WSCD1: variants seen among roughly 807,000 people sequenced by gnomAD.
WSCD1 encodes sialate:O-sulfotransferase 1.
A neutral mutation model predicts 60.4 loss-of-function variants in WSCD1; 41 were observed. The ratio of observed to expected loss-of-function variants is 0.68; its 90% CI spans 0.53 to 0.88. The LOEUF is 0.88. Ranked by LOEUF, WSCD1 falls within the 40% of genes least tolerant of loss-of-function variation. The pLI is 0.00. For missense variants in WSCD1, 784 were observed against 796.2 expected (o/e 0.98, Z 0.18); for synonymous variants, 361 against 332.5 (o/e 1.09, Z -0.93).
At chr17:6,086,249 T>TTATATA (rs1481687453) in intron 2 of WSCD1, among the ~76,000 whole-genome samples, 2 of 71,226 alleles carry the variant, frequency 2.8e-5, no homozygotes, top group African/African-American at 1.1e-4. Context: ...CGTCCTGACT[T>TTATATA]CATATATATA....
Position 6,122,473 on chromosome 17 carries a change from C to T in WSCD1, c.*1812C>T, listed in dbSNP as rs1175822019. On this transcript the variant is annotated 3_prime_UTR_variant, in exon 9 of 9. Transcript: ENST00000317744. ...TATTGGCTCAGGATAGCTTCGGCAT[C>T]CAATCTGCGAAGGCCCCTGATGGAG... 1 of 152,270 alleles carries T rather than the reference C, an allele frequency of 6.6e-6. No individual in the cohort carries two copies. The highest frequency in any genetic ancestry group is 1.5e-5 in the Non-Finnish European group (1 of 68,090). 9.4% of individuals were successfully genotyped at this position (152,270 alleles called of 1,614,324 possible). A position where few individuals can be genotyped will look rare whatever the true frequency, so the allele number is the denominator to read the frequency against.
At chr17:6,094,912 T>C (rs1217803038) in intron 4 of WSCD1, among the ~76,000 whole-genome samples, 190 bp from the exon 5 acceptor site, 1 of 151,762 alleles carries the variant, frequency 6.6e-6, no homozygotes, top group Non-Finnish European at 1.5e-5. Context: ...GTCAAGGTGC[T>C]GATGCCTGGT....
chr17:6,117,662 G>A (rs1421918464), intron 7 of WSCD1, among the ~76,000 whole-genome samples: 1 of 152,244 alleles, frequency 6.6e-6, no homozygotes, highest in Non-Finnish European at 1.5e-5. Context: ...CTATGAAGAT[G>A]CCCAAAACAT....
chr17:6,119,762 T>G (rs1273792333), intron 8 of WSCD1, among the ~76,000 whole-genome samples: 7 of 152,144 alleles, frequency 4.6e-5, no homozygotes. Context: ...TTGTGAAGAT[T>G]AGAGAAAGCA....
At chr17:6,090,920 C>T (rs1007248379) in intron 4 of WSCD1, among the ~76,000 whole-genome samples, 1 of 151,978 alleles carries the variant, frequency 6.6e-6, no homozygotes, top group Non-Finnish European at 1.5e-5. Flanking sequence ...GAGTCTCACT[C>T]TGTCACCCAG....
upstream of WSCD1, chr17:6,070,355 C>T (rs1293609185): frequency 2.7e-5 from 4 of 147,520 alleles, no homozygotes; most frequent in Non-Finnish European, 6.1e-5. Flanking sequence ...GGCCGCTGTC[C>T]CCGGGCCGCG....
At position 6,110,819 on chromosome 17, in the gene WSCD1, T is replaced by C. The variant is rs566304197; in HGVS notation, c.1058T>C (p.Phe353Ser). The change falls in exon 7 of 9, where the codon TTT becomes TCT. Residue 353 changes from phenylalanine to serine, a missense_variant. Phe to Ser is a radical substitution (Grantham distance 155). Coordinates refer to ENST00000317744, the MANE Select transcript of WSCD1 (RefSeq NM_015253.2). The surrounding 1 kb of genome is among the most constrained non-coding windows in gnomAD (Gnocchi z 4.8). ...TTCCTGCCTAACAAATCCAAAGTGT[T>C]TGTGGCTTTGTCAAGCTTCCCAGGA... ...RRFLPNKSKV[F>S]VALSSFPGAG... 2 of 1,614,052 alleles carry C rather than the reference T, an allele frequency of 1.2e-6. No individual in the cohort carries two copies. Among genetic ancestry groups the C allele is most frequent in the African/African-American group, 2.7e-5 (2 of 75,028 alleles).
upstream of WSCD1, among the ~76,000 whole-genome samples, chr17:6,069,794 TGTGTGTGC>T (rs1256402562): frequency 0.047 from 2,991 of 63,180 alleles, 89 homozygotes; most frequent in African/African-American, 0.18. Flanking sequence ...TGTGTGTGTG[TGTGTGTGC>T]GTGCGTGTGT....
chr17:6,095,221 A>C lies in WSCD1; in HGVS notation c.847A>C (p.Lys283Gln). ...VGTCSGFCSQ[K>Q]EFPLAILRGW... ...GACTTGCTCGGGCTTTTGTTCCCAG[A>C]AAGTAAGACCAAGTGATCATTTCAC... is the stretch of plus-strand genomic sequence containing the variant. The change falls in exon 5 of 9, where the codon AAA (lysine) becomes CAA (glutamine). Residue 283 changes from lysine (K) to glutamine (Q), a missense_variant and splice_region_variant. By Grantham distance (53) the Lys-to-Gln change is moderately conservative (BLOSUM62 1). Coordinates refer to ENST00000317744, the MANE Select transcript of WSCD1 (RefSeq NM_015253.2). The C allele has an allele frequency of 6.2e-7, 1 of 1,612,806 alleles. No individual in the cohort carries two copies.
chr17:6,120,204 C>T (rs551983515), intron 8 of WSCD1, 105 bp from the exon 9 acceptor site: 95 of 1,220,784 alleles, frequency 7.8e-5, no homozygotes, highest in Non-Finnish European at 1.1e-4. Context: ...AGGCAGTGGA[C>T]AGTGGAAAAC....
chr17:6,087,729 G>A (rs1333594932), intron 2 of WSCD1, among the ~76,000 whole-genome samples: 1 of 152,188 alleles, frequency 6.6e-6, no homozygotes, highest in East Asian at 1.9e-4. Flanking sequence ...TGGTCAGGCC[G>A]ACGCCTGGCT....
intron 1 of WSCD1, among the ~76,000 whole-genome samples, chr17:6,079,816 G>C (rs1176475036): frequency 6.6e-6 from 1 of 152,178 alleles, no homozygotes; most frequent in African/African-American, 2.4e-5. Flanking sequence ...CTCATTGCAG[G>C]CTGGGCCATG....
chr17:6,115,919 A>G (rs1023264154), intron 7 of WSCD1, among the ~76,000 whole-genome samples: 2 of 152,162 alleles, frequency 1.3e-5, no homozygotes, highest in African/African-American at 4.8e-5. Context: ...TTTCTTAACC[A>G]GAGTTTGGTG....
chr17:6,079,241 T>C (rs1211008802), intron 1 of WSCD1, among the ~76,000 whole-genome samples: 1 of 151,972 alleles, frequency 6.6e-6, no homozygotes, highest in East Asian at 1.9e-4. Context: ...AGAGTAGCCA[T>C]TGAGTGGCTG....
intron 2 of WSCD1, among the ~76,000 whole-genome samples, chr17:6,082,421 G>A (rs973714806): frequency 2.0e-5 from 3 of 152,220 alleles, no homozygotes; most frequent in Non-Finnish European, 4.4e-5. Flanking sequence ...CAAAGGACCC[G>A]CTGGAAGTGG....
chr17:6,108,161 G>A (rs1024841211), intron 5 of WSCD1, among the ~76,000 whole-genome samples: 5 of 152,194 alleles, frequency 3.3e-5, no homozygotes, highest in East Asian at 1.9e-4. Context: ...CAGGCCCTGC[G>A]TCATCTTCGC....
chr17:6,122,258 C>T lies in WSCD1; in HGVS notation c.*1597C>T, dbSNP rs1380542659. Reference sequence around the variant, plus strand: ...GGAAGGCCCAGTAGAGCTGCCCTTCCCCAGATGGAAGCTTCCTCCAACCTT... The same window carrying T: ...GGAAGGCCCAGTAGAGCTGCCCTTCTCCAGATGGAAGCTTCCTCCAACCTT... On this transcript the variant is annotated 3_prime_UTR_variant, in exon 9 of 9. Coordinates refer to ENST00000317744, the MANE Select transcript of WSCD1 (RefSeq NM_015253.2). 5 of 152,222 alleles carry T rather than the reference C, an allele frequency of 3.3e-5. No individual in the cohort carries two copies. Among genetic ancestry groups the T allele is most frequent in the Non-Finnish European group, 7.3e-5 (5 of 68,076 alleles). 9.4% of individuals were successfully genotyped at this position (152,222 alleles called of 1,614,324 possible). A position where few individuals can be genotyped will look rare whatever the true frequency, so the allele number is the denominator to read the frequency against.
At chr17:6,092,520 T>C (rs1428100207) in intron 4 of WSCD1, among the ~76,000 whole-genome samples, 1 of 152,130 alleles carries the variant, frequency 6.6e-6, no homozygotes, top group South Asian at 2.1e-4. Flanking sequence ...CGACACCTAC[T>C]CTGCCAGGCC....
At chr17:6,090,266 C>G (rs1909937719) in intron 3 of WSCD1, 55 bp from the exon 4 acceptor site, 2 of 1,493,304 alleles carry the variant, frequency 1.3e-6, no homozygotes, top group Admixed American at 5.0e-5. Context: ...GCAGTTTAGA[C>G]CGCAGCCCTA....
Sources: gnomAD v4.1 joint callset for allele counts (sites outside exome capture counted in the v4.1 genomes callset) on GRCh38, gnomAD v4.1.1 for gene constraint, Gnocchi (gnomAD v3.1) non-coding constraint, MANE v1.5 for transcripts, NCBI Gene and HGNC (gene_info 2026-07-23, HGNC 2026-07-21) for gene names.